Variants in HP1BP3 observed in about 807,000 individuals in gnomAD.
HP1BP3 encodes heterochromatin protein 1-binding protein 3.
A neutral mutation model predicts 62.5 loss-of-function variants in HP1BP3; 12 were observed. The ratio of observed to expected loss-of-function variants is 0.19; its 90% CI spans 0.12 to 0.31. The LOEUF (loss-of-function observed/expected upper bound fraction) is 0.31, where lower values mean the gene tolerates loss of function less well. HP1BP3 is among the 10% of genes least tolerant of loss of function. The probability of loss-of-function intolerance (pLI) is 1.00; values close to 1 mark genes in which losing one functional copy is unlikely to be tolerated. For missense variants in HP1BP3, 502 were observed against 651.8 expected, an observed-to-expected ratio of 0.77 and a Z score of 2.50; for synonymous variants, 260 against 237.8, an observed-to-expected ratio of 1.09 and a Z score of -0.86.
At chr1:20,746,181 CAT>C (rs199691505) in intron 11 of HP1BP3, among the ~76,000 whole-genome samples, 348 of 94,256 alleles carry the variant, frequency 3.7e-3, no homozygotes, top group Non-Finnish European at 5.6e-3. Context: ...AACATACATA[CAT>C]ATATGTGTGT....
intron 8 of HP1BP3, 123 bp from the exon 9 acceptor site, chr1:20,757,379 T>A (rs1420457163): frequency 7.1e-5 from 30 of 425,146 alleles, no homozygotes; most frequent in South Asian, 1.3e-4. Flanking sequence ...ATTATTTTTT[T>A]TTTTTTTTTG....
chr1:20,763,690 C>T (rs1197517018), intron 8 of HP1BP3, among the ~76,000 whole-genome samples: 1 of 152,204 alleles, frequency 6.6e-6, no homozygotes, highest in Non-Finnish European at 1.5e-5. Context: ...CATGAATCTA[C>T]AACTGAGCAA....
At position 20,767,483 on chromosome 1, in the gene HP1BP3, C is replaced by G. The variant is rs142642288; in HGVS notation, c.735+101G>C. 6.3e-5 allele frequency: 53 copies of G among 835,894 alleles called. 1 individual carries two copies. In the East Asian group the frequency reaches 1.3e-3, roughly 20 times the overall value. 51.8% of individuals were successfully genotyped at this position (835,894 alleles called of 1,614,324 possible). ...CTAGGCCTTAGCAGAAAGGCTGAAC[C>G]TTGCATAGTGCCAGGCACACAGCAA... On this transcript the variant is annotated intron_variant, in intron 7 of 12. Coordinates refer to ENST00000438032, the MANE Select transcript of HP1BP3 (RefSeq NM_001372052.1).
At position 20,745,580 on chromosome 1, in the gene HP1BP3, CTTCTG is replaced by C; in HGVS notation, c.1325_1329del (p.Ser442Ter). The C allele has an allele frequency of 1.2e-6, 2 of 1,613,888 alleles. No homozygotes were observed. The highest frequency in any genetic ancestry group is 1.7e-6 in the Non-Finnish European group (2 of 1,179,750). On this transcript the variant is annotated frameshift_variant, in exon 12 of 13. Coordinates refer to ENST00000438032, the MANE Select transcript of HP1BP3 (RefSeq NM_001372052.1). LOFTEE classifies it high-confidence loss of function. ...GGCGGCTCTTCATCCTCAGAGTCTTCTTCTGATGACTCATCTTCATCTTCATCCTC... is the reference window on the plus strand; with the variant it reads ...GGCGGCTCTTCATCCTCAGAGTCTTCATGACTCATCTTCATCTTCATCCTC...
At chr1:20,747,867 CATAT>C (rs1318817309) in intron 10 of HP1BP3, among the ~76,000 whole-genome samples, 1 of 152,118 alleles carries the variant, frequency 6.6e-6, no homozygotes, top group African/African-American at 2.4e-5. Flanking sequence ...TACATACATA[CATAT>C]ATCTATATTT....
At chr1:20,757,623 G>A (rs2056202036) in intron 8 of HP1BP3, among the ~76,000 whole-genome samples, 4 of 151,544 alleles carry the variant, frequency 2.6e-5, no homozygotes, top group South Asian at 4.2e-4. Flanking sequence ...TGCCTGACTC[G>A]GCCTCCCAAA....
At chr1:20,765,593 C>T in intron 7 of HP1BP3, 62 bp from the exon 8 acceptor site, 1 of 1,331,836 alleles carries the variant, frequency 7.5e-7, no homozygotes, top group Non-Finnish European at 1.0e-6. Flanking sequence ...ACATACAACT[C>T]AAGGGCTTTC....
At position 20,741,934 on chromosome 1, in the gene HP1BP3, C is replaced by T. The variant is rs1357149199; in HGVS notation, c.*2863G>A. Among the ~76,000 whole-genome samples, 1 of 152,208 alleles carries T rather than the reference C, an allele frequency of 6.6e-6. No individual in the cohort carries two copies. Among genetic ancestry groups the T allele is most frequent in the Non-Finnish European group, 1.5e-5 (1 of 68,036 alleles). On this transcript the variant is annotated 3_prime_UTR_variant, in exon 13 of 13. Coordinates refer to ENST00000438032, the MANE Select transcript of HP1BP3 (RefSeq NM_001372052.1). ...AGGGAAAAATCAAACATTCTTTTAT[C>T]TCAATGTAAGTAAGGCGTATGTCTT... is the stretch of plus-strand genomic sequence containing the variant.
chr1:20,741,882 G>A lies in HP1BP3; in HGVS notation c.*2915C>T, dbSNP rs2055093314. 6.6e-6 allele frequency among the ~76,000 whole-genome samples: 1 copy of A among 152,210 alleles called. No individual in the cohort carries two copies. The highest frequency in any genetic ancestry group is 1.5e-5 in the Non-Finnish European group (1 of 68,038). The stretch of plus-strand genomic sequence containing the variant: ...GAACATGGAAGTAAAAATTATAAAT[G>A]TGTTCTGCTCCTTTGGAATGCCTGG... On this transcript the variant is annotated 3_prime_UTR_variant, in exon 13 of 13. Coordinates refer to ENST00000438032, the MANE Select transcript of HP1BP3 (RefSeq NM_001372052.1).
intron 3 of HP1BP3, among the ~76,000 whole-genome samples, chr1:20,778,047 C>T (rs2057379890): frequency 6.6e-6 from 1 of 152,198 alleles, no homozygotes; most frequent in Non-Finnish European, 1.5e-5. Flanking sequence ...TAAATGGCTG[C>T]ATGGGCAAGA....
intron 11 of HP1BP3, among the ~76,000 whole-genome samples, chr1:20,746,186 ATGTGTGTGTGTGTGTGTGTG>A (rs35710978): frequency 4.2e-5 from 6 of 143,146 alleles, no homozygotes; most frequent in Admixed American, 1.4e-4. Context: ...ACATACATAT[ATGTGTGTGTGTGTGTGTGTG>A]TGTGTGTGTG....
intron 1 of HP1BP3, among the ~76,000 whole-genome samples, chr1:20,785,048 G>A (rs1397741252): frequency 1.3e-5 from 2 of 152,146 alleles, no homozygotes; most frequent in African/African-American, 2.4e-5. Context: ...TCAGCCACCT[G>A]AGTAGCTGGG....
At chr1:20,751,876 T>C (rs2055780002) in intron 9 of HP1BP3, among the ~76,000 whole-genome samples, 1 of 152,134 alleles carries the variant, frequency 6.6e-6, no homozygotes, top group South Asian at 2.1e-4. Flanking sequence ...CAAAACTGTT[T>C]AGTGGTTCTT....
At chr1:20,746,017 T>TA (rs1176261016) in intron 11 of HP1BP3, among the ~76,000 whole-genome samples, 1 of 152,076 alleles carries the variant, frequency 6.6e-6, no homozygotes, top group Non-Finnish European at 1.5e-5. Context: ...AGCCTCATAA[T>TA]ACTGGCAAAA....
At chr1:20,762,331 AAT>A (rs2056530039) in intron 8 of HP1BP3, among the ~76,000 whole-genome samples, 1 of 152,208 alleles carries the variant, frequency 6.6e-6, no homozygotes, top group South Asian at 2.1e-4. Context: ...AGGTCATGAC[AAT>A]ATGTTTCAAA....
At chr1:20,773,421 TA>T (rs747239914) in intron 5 of HP1BP3, 29 bp downstream of exon 5, 89 of 1,569,676 alleles carry the variant, frequency 5.7e-5, no homozygotes, top group Non-Finnish European at 7.5e-5. Context: ...ATAATAAATC[TA>T]AGATGAATTG....
chr1:20,761,688 C>A (rs1449076569), intron 8 of HP1BP3, among the ~76,000 whole-genome samples: 1 of 152,106 alleles, frequency 6.6e-6, no homozygotes, highest in Admixed American at 6.6e-5. Context: ...TACAGTTTTG[C>A]AAGTGAAAGG....
chr1:20,779,994 G>T, intron 2 of HP1BP3, 83 bp from the exon 3 acceptor site: 1 of 1,005,996 alleles, frequency 9.9e-7, no homozygotes, highest in Non-Finnish European at 1.5e-6. Flanking sequence ...CTGGGTGTCA[G>T]ATGTAGGAGA....
chr1:20,745,117 G>A (rs373930473), intron 12 of HP1BP3, 26 bp from the exon 13 acceptor site: 76 of 1,582,518 alleles, frequency 4.8e-5, no homozygotes, highest in Admixed American at 2.4e-4. Flanking sequence ...AGCAAAGGCC[G>A]TCATTTAGTA....
Sources: gnomAD v4.1 joint callset for allele counts (sites outside exome capture counted in the v4.1 genomes callset) on GRCh38, gnomAD v4.1.1 for gene constraint, MANE v1.5 for transcripts, NCBI Gene and HGNC (gene_info 2026-07-23, HGNC 2026-07-21) for gene names.